The following TMEM245 variants were observed in gnomAD, a reference collection of about 807,000 sequenced individuals.
TMEM245 encodes the protein protein CG-2.
Under a neutral mutation model 101.2 loss-of-function variants are expected in TMEM245, and 69 were observed. The ratio of observed to expected loss-of-function variants is 0.68; its 90% CI spans 0.56 to 0.83. TMEM245 has a LOEUF of 0.83. TMEM245 is among the 40% of genes least tolerant of loss of function. The pLI is 0.00. For missense variants in TMEM245, 1,075 were observed against 1,092.8 expected (o/e 0.98, Z 0.23); for synonymous variants, 537 against 449.8 (o/e 1.19, Z -2.45).
At chr9:109,102,118 C>T (rs895998739) in intron 3 of TMEM245, among the ~76,000 whole-genome samples, 4 of 152,122 alleles carry the variant, frequency 2.6e-5, no homozygotes, top group Admixed American at 1.3e-4. Flanking sequence ...AAAAACAAGT[C>T]GAAACTGCCA....
intron 17 of TMEM245, among the ~76,000 whole-genome samples, chr9:109,027,811 G>A (rs1462732759): frequency 2.0e-5 from 3 of 151,968 alleles, no homozygotes; most frequent in Admixed American, 6.5e-5. Flanking sequence ...TCAGTCTCCC[G>A]AGTAGCTGGG....
rs1304042212 is a variant in TMEM245 at position 109,080,896 on chromosome 9, GA to G, written c.1391del (p.Phe464SerfsTer6). 6.2e-7 allele frequency: 1 copy of G among 1,610,508 alleles called. No individual in the cohort carries two copies. The highest frequency in any genetic ancestry group is 1.3e-5 in the African/African-American group (1 of 74,784). ...TTCCTATCACTAACAAAAATATGAT[GA>G]AAATGCTAATTATTTTATCTAACAT... is the stretch of plus-strand genomic sequence containing the variant. ...EKMLDKIISI[F>X]IIFLLVIGTL... On this transcript the variant is annotated frameshift_variant, in exon 8 of 18. Coordinates refer to ENST00000374586, the MANE Select transcript of TMEM245 (RefSeq NM_032012.4). LOFTEE classifies it high-confidence loss of function.
At chr9:109,088,568 C>T (rs991612971) in intron 5 of TMEM245, among the ~76,000 whole-genome samples, 4 of 151,820 alleles carry the variant, frequency 2.6e-5, no homozygotes, top group African/African-American at 7.3e-5. Context: ...AGTGGCTCAA[C>T]GCCTGTAATC....
At chr9:109,064,923 G>C (rs1218958857) in intron 9 of TMEM245, among the ~76,000 whole-genome samples, 1 of 152,146 alleles carries the variant, frequency 6.6e-6, no homozygotes, top group African/African-American at 2.4e-5. Context: ...CCAAGTAGCT[G>C]AGATCATAGG....
chr9:109,098,570 AAAC>A (rs1830201856), intron 3 of TMEM245, among the ~76,000 whole-genome samples: 1 of 152,138 alleles, frequency 6.6e-6, no homozygotes, highest in South Asian at 2.1e-4. Context: ...AAAAAACAAA[AAAC>A]AACAGTCCAG....
intron 4 of TMEM245, 76 bp from the exon 5 acceptor site, chr9:109,091,231 G>A (rs1829998290): frequency 1.5e-6 from 2 of 1,320,404 alleles, no homozygotes; most frequent in African/African-American, 1.5e-5. Context: ...CACTCATTAG[G>A]CTAGCCTGTT....
rs942889649 is a variant in TMEM245, at chr9:109,064,552, A to G, written c.1548T>C (p.Ala516=). 3.1e-6 allele frequency: 5 copies of G among 1,613,648 alleles called. 1 individual carries two copies. In the African/African-American group the frequency reaches 4.0e-5, roughly 13 times the overall value. The change falls in exon 10 of 18, where the codon GCT becomes GCC. Residue 516 remains alanine, a synonymous_variant. Coordinates refer to ENST00000374586, the MANE Select transcript of TMEM245 (RefSeq NM_032012.4). ...HPEWANWLPE[A]QVVQRALNSA... Reference sequence around the variant, plus strand: ...AATTCAGGGCTCTTTGGACTACCTGAGCCTCAGGAAGCCAACTAATGTAAA... The same window carrying G: ...AATTCAGGGCTCTTTGGACTACCTGGGCCTCAGGAAGCCAACTAATGTAAA...
intron 9 of TMEM245, 70 bp from the exon 10 acceptor site, chr9:109,064,637 T>G (rs1047612844): frequency 4.7e-6 from 6 of 1,273,300 alleles, no homozygotes; most frequent in Non-Finnish European, 6.8e-6. Flanking sequence ...TGCTTTGAAC[T>G]TGATATGCTT....
At chr9:109,034,487 C>A (rs1828059995) in intron 16 of TMEM245, among the ~76,000 whole-genome samples, 2 of 152,214 alleles carry the variant, frequency 1.3e-5, no homozygotes, top group African/African-American at 4.8e-5. Flanking sequence ...CGCTCCATCA[C>A]CCAGGCTGGA....
intron 10 of TMEM245, among the ~76,000 whole-genome samples, chr9:109,063,278 C>G (rs1829070171): frequency 6.6e-6 from 1 of 152,034 alleles, no homozygotes; most frequent in Admixed American, 6.5e-5. Context: ...CGCAACCACG[C>G]CTGGCTAACT....
intron 5 of TMEM245, among the ~76,000 whole-genome samples, chr9:109,088,333 T>C (rs144575851): frequency 6.6e-6 from 1 of 152,278 alleles, no homozygotes; most frequent in East Asian, 1.9e-4. Flanking sequence ...TCCAGGGTAA[T>C]TACAAGCTGT....
At chr9:109,087,065 T>C in intron 6 of TMEM245, 108 bp downstream of exon 6, 3 of 925,264 alleles carry the variant, frequency 3.2e-6, no homozygotes, top group Non-Finnish European at 1.5e-6. Flanking sequence ...GAATTAGATA[T>C]TACATGTGTT....
At chr9:109,106,231 TAAAATAAAAATATTTTATTTTATA>T in intron 3 of TMEM245, among the ~76,000 whole-genome samples, 1 of 151,786 alleles carries the variant, frequency 6.6e-6, no homozygotes, top group East Asian at 1.9e-4. Context: ...CACTAAAAAA[TAAAATAAAAATATTTTATTTTATA>T]AAAATAAAAT....
At chr9:109,064,331 A>C in intron 10 of TMEM245, 146 bp downstream of exon 10, 1 of 690,140 alleles carries the variant, frequency 1.4e-6, no homozygotes, top group East Asian at 2.7e-5. Flanking sequence ...ATCTTTCAAA[A>C]GATTTCATTG....
At chr9:109,028,348 G>A (rs1420691875) in intron 17 of TMEM245, among the ~76,000 whole-genome samples, 2 of 151,872 alleles carry the variant, frequency 1.3e-5, no homozygotes, top group Non-Finnish European at 2.9e-5. Context: ...CCGCTACTCG[G>A]GAAGCTGTGG....
In TMEM245 at chr9:109,106,558, A is replaced by T; in HGVS notation, c.749T>A (p.Leu250Gln). 1 of 1,612,946 alleles carries T rather than the reference A, an allele frequency of 6.2e-7. No homozygotes were observed. The highest frequency in any genetic ancestry group is 1.1e-5 in the South Asian group (1 of 90,902). The change falls in exon 3 of 18, where the codon CTG becomes CAG. Residue 250 changes from leucine (L) to glutamine (Q), a missense_variant. Leu to Gln is a moderately radical substitution (Grantham distance 113, BLOSUM62 -2). Around this residue, in one of 2 missense-constraint regions of TMEM245, gnomAD observed 808 missense variants for 741.5 expected, o/e 1.09. Transcript: ENST00000374586. ...TTCATAGAGGGTACCCACAGACATC[A>T]GGAAAACAATAACCAGGAATACTGG... The part of the protein sequence containing the change: ...RIPVFLVIVF[L>Q]MSVGTLYEKQ...
chr9:109,076,297 A>C (rs1829496735), intron 8 of TMEM245, among the ~76,000 whole-genome samples: 1 of 147,952 alleles, frequency 6.8e-6, no homozygotes, highest in African/African-American at 2.5e-5. Flanking sequence ...ACCAAACACC[A>C]CATGTTCTCA....
chr9:109,050,968 C>G (rs1828661643), intron 12 of TMEM245, among the ~76,000 whole-genome samples: 1 of 151,416 alleles, frequency 6.6e-6, no homozygotes, highest in Admixed American at 6.6e-5. Context: ...CAATGAAATG[C>G]TAAATTTAAA....
chr9:109,032,254 A>G (rs2132305677), intron 17 of TMEM245, among the ~76,000 whole-genome samples: 1 of 151,946 alleles, frequency 6.6e-6, no homozygotes, highest in East Asian at 1.9e-4. Flanking sequence ...ATTATTTAAC[A>G]TATGGTCCAT....
Sources: gnomAD v4.1 joint callset for allele counts (sites outside exome capture counted in the v4.1 genomes callset) on GRCh38, gnomAD v4.1.1 for gene constraint, gnomAD v4.1.1 regional missense constraint, MANE v1.5 for transcripts, NCBI Gene and HGNC (gene_info 2026-07-23, HGNC 2026-07-21) for gene names.